SEC13: variants seen among roughly 807,000 people sequenced by gnomAD.
SEC13 encodes SEC13 homolog, nuclear pore and COPII component.
A neutral mutation model predicts 49.2 loss-of-function variants in SEC13; 25 were observed. That is an observed-to-expected ratio of 0.51 (90% CI 0.37 to 0.71). The LOEUF (loss-of-function observed/expected upper bound fraction) is 0.71. Ranked by LOEUF, SEC13 falls within the 30% of genes least tolerant of loss-of-function variation. SEC13 has a pLI of 0.00. For synonymous variants in SEC13, 148 were observed against 163.9 expected, an observed-to-expected ratio of 0.90 and a Z score of 0.74; for missense variants, 383 against 417.6, an observed-to-expected ratio of 0.92 and a Z score of 0.72.
intron 6 of SEC13, 189 bp downstream of exon 6, chr3:10,305,370 T>G: frequency 1.9e-6 from 2 of 1,035,236 alleles, no homozygotes; most frequent in Non-Finnish European, 2.8e-6. Context: ...GCTCCAACAG[T>G]TGGGAATTAG....
intron 6 of SEC13, 121 bp from the exon 7 acceptor site, chr3:10,305,277 G>T: frequency 7.1e-7 from 1 of 1,403,614 alleles, no homozygotes. Flanking sequence ...TTCATTCATG[G>T]AGTTTGTGGC....
Position 10,304,041 on chromosome 3 carries a change from A to G in SEC13, c.840T>C (p.Ser280=). The change falls in exon 8 of 9, where the codon TCT becomes TCC. Residue 280 remains serine, a synonymous_variant. Coordinates refer to ENST00000350697, the MANE Select transcript of SEC13 (RefSeq NM_183352.3). ...GGGTATGTACCTTATTGTCTCCACC[A>G]GAGACAGCCAGGATGTTGGCTGTGA... The part of the protein sequence containing the change: ...WSITANILAV[S]GGDNKVTLWK... 6.2e-7 allele frequency: 1 copy of G among 1,614,148 alleles called. No individual in the cohort carries two copies. Among genetic ancestry groups the G allele is most frequent in the Non-Finnish European group, 8.5e-7 (1 of 1,180,000 alleles).
intron 8 of SEC13, chr3:10,303,816 T>G: frequency 1.7e-6 from 1 of 600,088 alleles, no homozygotes; most frequent in Non-Finnish European, 3.0e-6. Context: ...CTCTGTCAGC[T>G]TCTTTCCTCA....
At chr3:10,315,632 T>G (rs945545788) in intron 2 of SEC13, among the ~76,000 whole-genome samples, 196 bp from the exon 3 acceptor site, 2 of 152,196 alleles carry the variant, frequency 1.3e-5, no homozygotes, top group African/African-American at 4.8e-5. Context: ...CTCTCTGAAA[T>G]GGACAAAGCA....
chr3:10,304,184 C>G lies in SEC13; in HGVS notation c.709-12G>C, dbSNP rs114125236. 2.5e-6 allele frequency: 4 copies of G among 1,613,612 alleles called. No homozygotes were observed. The highest frequency in any genetic ancestry group is 2.2e-5 in the South Asian group (2 of 91,070). ...AACACACGACCATCCTAGGAAGAAA[C>G]AGGATAGAGTCAGGAGGTGGAGTCA... On this transcript the variant is annotated splice_polypyrimidine_tract_variant and intron_variant, in intron 7 of 8. Coordinates refer to ENST00000350697, the MANE Select transcript of SEC13 (RefSeq NM_183352.3).
Position 10,305,666 on chromosome 3 carries a change from G to T in SEC13, c.477C>A (p.Ala159=). The stretch of plus-strand genomic sequence containing the variant: ...TGAGGCTTCCAGGTACAACAGCAGG[G>T]GCCCAGCTGACGGCATTGCAGCCAA... The part of the protein sequence containing the change: ...HTIGCNAVSW[A]PAVVPGSLID... Residue 159 remains alanine, a synonymous_variant, in exon 6 of 9, where the codon GCC becomes GCA. Coordinates refer to ENST00000350697, the MANE Select transcript of SEC13 (RefSeq NM_183352.3). 1 of 1,614,196 alleles carries T rather than the reference G, an allele frequency of 6.2e-7. No homozygotes were observed. Among genetic ancestry groups the T allele is most frequent in the Non-Finnish European group, 8.5e-7 (1 of 1,180,038 alleles).
intron 1 of SEC13, chr3:10,320,362 A>T: frequency 4.7e-6 from 1 of 213,070 alleles, no homozygotes; most frequent in Non-Finnish European, 8.1e-6. Flanking sequence ...TCCATTCTTT[A>T]GTTCTCCTTC....
chr3:10,300,935 A>T lies in SEC13; in HGVS notation c.*326T>A. ...GTTAGGATAACGCAGCAGGAATTAT[A>T]AGCAATATGACTTTATTTAGTTCCT... On this transcript the variant is annotated 3_prime_UTR_variant, in exon 9 of 9. Coordinates refer to ENST00000350697, the MANE Select transcript of SEC13 (RefSeq NM_183352.3). 1.3e-6 allele frequency: 1 copy of T among 782,130 alleles called. No homozygotes were observed. Among genetic ancestry groups the T allele is most frequent in the South Asian group, 1.8e-5 (1 of 56,514 alleles). The allele number at this position is 782,130 out of a possible 1,614,324, so 48.4% of individuals were successfully genotyped here. A position where few individuals can be genotyped will look rare whatever the true frequency, so the allele number is the denominator to read the frequency against.
intron 8 of SEC13, among the ~76,000 whole-genome samples, chr3:10,302,820 G>A (rs1700621415): frequency 6.6e-6 from 1 of 152,140 alleles, no homozygotes. Flanking sequence ...TAGAAACAGG[G>A]TGTGGGCTGT....
intron 8 of SEC13, 31 bp from the exon 9 acceptor site, chr3:10,301,405 G>A (rs1215664467): frequency 8.1e-6 from 13 of 1,613,656 alleles, no homozygotes; most frequent in South Asian, 4.4e-5. Context: ...AGATTATCAC[G>A]GGTCTGTGCC....
chr3:10,309,799 A>G (rs61437222), intron 5 of SEC13, among the ~76,000 whole-genome samples: 7,960 of 152,266 alleles, frequency 0.052, 372 homozygotes, highest in African/African-American at 0.13. Context: ...TTTTTAGGTG[A>G]GATGAGTTTT....
At chr3:10,314,088 A>C (rs1182492712) in intron 3 of SEC13, 2 of 152,146 alleles carry the variant, frequency 1.3e-5, no homozygotes, top group South Asian at 2.1e-4. Context: ...TAGGCTTATA[A>C]AGAAAATTCA....
chr3:10,315,266 G>T, intron 3 of SEC13, 55 bp downstream of exon 3: 1 of 1,289,624 alleles, frequency 7.8e-7, no homozygotes, highest in Non-Finnish European at 1.1e-6. Context: ...CTTGAAGCAG[G>T]GCCTGAGAAC....
At position 10,301,313 on chromosome 3, in the gene SEC13, C is replaced by A; in HGVS notation, c.917G>T (p.Gly306Val). 6.2e-7 allele frequency: 1 copy of A among 1,614,104 alleles called. No individual in the cohort carries two copies. The highest frequency in any genetic ancestry group is 8.5e-7 in the Non-Finnish European group (1 of 1,180,014). The change falls in exon 9 of 9, where the codon GGC becomes GTC. Residue 306 changes from glycine to valine, a missense_variant. Gly to Val is a moderately radical substitution (Grantham distance 109). Transcript: ENST00000350697. ...QWVCISDVNK[G>V]QGSVSASVTE... Reference sequence around the variant, plus strand: ...CACTGATGCTGATACGGAGCCCTGGCCCTTGTTGACATCACTGATGCACAC... The same window carrying A: ...CACTGATGCTGATACGGAGCCCTGGACCTTGTTGACATCACTGATGCACAC...
At position 10,305,550 on chromosome 3, in the gene SEC13, CCTA is replaced by C. The variant is rs1352064516; in HGVS notation, c.584+6_584+8del. 9.9e-6 allele frequency: 16 copies of C among 1,613,240 alleles called. No homozygotes were observed. In the South Asian group the frequency reaches 1.6e-4, roughly 17 times the overall value. On this transcript the variant is annotated splice_donor_region_variant and intron_variant, in intron 6 of 8. Coordinates refer to ENST00000350697, the MANE Select transcript of SEC13 (RefSeq NM_183352.3). ...CCCCTCAAAGAGAAGGCCACACATC[CCTA>C]CTTACTTCCACAGCTTGATGAGGTT... is the stretch of plus-strand genomic sequence containing the variant.
Position 10,304,134 on chromosome 3 carries a change from T to C in SEC13, c.747A>G (p.Ser249=), listed in dbSNP as rs772865379. Residue 249 remains serine (S), a synonymous_variant, in exon 8 of 9, where the codon TCA becomes TCG. Transcript: ENST00000350697. ...RVFIWTCDDA[S]SNTWSPKLLH... ...ACAATTTAGGGGACCACGTATTGCT[T>C]GAGGCATCATCACAGGTCCAAATGA... The C allele has an allele frequency of 1.9e-6, 3 of 1,614,144 alleles. No individual in the cohort carries two copies. Among genetic ancestry groups the C allele is most frequent in the East Asian group, 4.5e-5 (2 of 44,880 alleles).
chr3:10,301,066 T>C lies in SEC13; in HGVS notation c.*195A>G. ...AGTTTCTTCCTCGTAACATGAGTGC[T>C]TTCAGCTGGACAGTAGATTACAAAG... On this transcript the variant is annotated 3_prime_UTR_variant, in exon 9 of 9. Coordinates refer to ENST00000350697, the MANE Select transcript of SEC13 (RefSeq NM_183352.3). 1 of 1,610,240 alleles carries C rather than the reference T, an allele frequency of 6.2e-7. No individual in the cohort carries two copies. Among genetic ancestry groups the C allele is most frequent in the Non-Finnish European group, 8.5e-7 (1 of 1,178,992 alleles).
chr3:10,314,622 G>A (rs1288648584), intron 3 of SEC13, among the ~76,000 whole-genome samples: 1 of 152,136 alleles, frequency 6.6e-6, no homozygotes, highest in Non-Finnish European at 1.5e-5. Flanking sequence ...AGAACCCTTG[G>A]AGATCCACGG....
In SEC13 at chr3:10,303,952, C is replaced by G. The variant is rs1700700537; in HGVS notation, c.855+74G>C. ...CCAGCCTGCAGTCAGATGGGAATGT[C>G]AAGTGCCCTCTCTAGTGGGCGGGGT... is the stretch of plus-strand genomic sequence containing the variant. On this transcript the variant is annotated intron_variant, in intron 8 of 8. Coordinates refer to ENST00000350697, the MANE Select transcript of SEC13 (RefSeq NM_183352.3). 4 of 1,545,056 alleles carry G rather than the reference C, an allele frequency of 2.6e-6. No homozygotes were observed. The East Asian group carries it at 9.0e-5, about 35-fold the overall frequency.
Sources: gnomAD v4.1 joint callset for allele counts (sites outside exome capture counted in the v4.1 genomes callset) on GRCh38, gnomAD v4.1.1 for gene constraint, MANE v1.5 for transcripts, NCBI Gene and HGNC (gene_info 2026-07-23, HGNC 2026-07-21) for gene names.